Variants in ATAD1 observed in about 807,000 individuals in gnomAD.
ATAD1 encodes the protein ATPase family AAA domain containing 1.
In ATAD1, 18 loss-of-function variants were observed where a neutral mutation model predicts 42.7. The observed-to-expected ratio is 0.42, with a 90% CI of 0.29 to 0.63. The LOEUF (loss-of-function observed/expected upper bound fraction) is 0.63, where lower values mean the gene tolerates loss of function less well. Among genes scored for constraint, ATAD1 ranks in the 20% least tolerant of loss-of-function variants. ATAD1 has a pLI of 0.19. For synonymous variants in ATAD1, 132 were observed against 143.1 expected (o/e 0.92, Z 0.55); for missense variants, 294 against 440.4 (o/e 0.67, Z 2.98).
chr10:87,785,999 A>T (rs2131893928), intron 4 of ATAD1, among the ~76,000 whole-genome samples: 1 of 152,282 alleles, frequency 6.6e-6, no homozygotes, highest in East Asian at 1.9e-4. Context: ...GCAAATTTTA[A>T]TTAAGTTCAC....
chr10:87,821,997 G>T (rs1045856770), upstream of ATAD1, among the ~76,000 whole-genome samples: 4 of 152,182 alleles, frequency 2.6e-5, no homozygotes, highest in African/African-American at 9.7e-5. Flanking sequence ...AACCCAGCTG[G>T]AATACATCAA....
At chr10:87,816,094 A>G (rs187464080) in intron 1 of ATAD1, among the ~76,000 whole-genome samples, 2 of 152,144 alleles carry the variant, frequency 1.3e-5, no homozygotes, top group African/African-American at 4.8e-5. Flanking sequence ...ACACTATCTT[A>G]AAAAAGTCTT....
At chr10:87,817,155 T>G (rs1857454430) in intron 1 of ATAD1, among the ~76,000 whole-genome samples, 1 of 152,242 alleles carries the variant, frequency 6.6e-6, no homozygotes, top group Non-Finnish European at 1.5e-5. Flanking sequence ...GAAACTTGTT[T>G]TGTAGACTGT....
intron 1 of ATAD1, among the ~76,000 whole-genome samples, chr10:87,834,650 T>C (rs1241504298): frequency 1.3e-5 from 2 of 152,120 alleles, no homozygotes; most frequent in Non-Finnish European, 2.9e-5. Flanking sequence ...ATATGGTAAA[T>C]TGTGTCTTTT....
intron 4 of ATAD1, among the ~76,000 whole-genome samples, chr10:87,786,904 G>A (rs896491861): frequency 1.3e-5 from 2 of 151,896 alleles, no homozygotes; most frequent in Non-Finnish European, 2.9e-5. Context: ...GCAGTGAGCC[G>A]AGATTGCGCC....
At chr10:87,757,556 T>A (rs1192966426) in intron 8 of ATAD1, among the ~76,000 whole-genome samples, 1 of 150,752 alleles carries the variant, frequency 6.6e-6, no homozygotes, top group Non-Finnish European at 1.5e-5. Flanking sequence ...TTTGCATGTA[T>A]TATTCTCATT....
chr10:87,801,792 G>C (rs1856709895), intron 2 of ATAD1, among the ~76,000 whole-genome samples: 1 of 152,136 alleles, frequency 6.6e-6, no homozygotes, highest in African/African-American at 2.4e-5. Flanking sequence ...TTGAATGAAT[G>C]TTTCTGATTG....
intron 1 of ATAD1, among the ~76,000 whole-genome samples, chr10:87,816,657 T>C (rs1256571088): frequency 5.9e-5 from 9 of 152,266 alleles, no homozygotes; most frequent in Middle Eastern, 3.4e-3. Flanking sequence ...CTATCTTCCA[T>C]CAGCATGGAT....
intron 2 of ATAD1, among the ~76,000 whole-genome samples, chr10:87,794,987 T>G (rs1030730206): frequency 6.6e-6 from 1 of 152,202 alleles, no homozygotes; most frequent in Non-Finnish European, 1.5e-5. Context: ...ATGGTTTTAT[T>G]GAGCACCTAC....
At chr10:87,765,373 T>C (rs886742432) in intron 8 of ATAD1, among the ~76,000 whole-genome samples, 2 of 151,692 alleles carry the variant, frequency 1.3e-5, no homozygotes, top group Non-Finnish European at 2.9e-5. Context: ...TATGCAGTTA[T>C]CGAGTTTTGG....
At chr10:87,795,335 T>C (rs1208507630) in intron 2 of ATAD1, among the ~76,000 whole-genome samples, 3 of 152,104 alleles carry the variant, frequency 2.0e-5, no homozygotes. Flanking sequence ...TTGACACTTT[T>C]AAGTGAGCCA....
At chr10:87,763,463 T>C (rs959649218) in intron 8 of ATAD1, among the ~76,000 whole-genome samples, 3 of 152,172 alleles carry the variant, frequency 2.0e-5, no homozygotes, top group African/African-American at 7.2e-5. Context: ...GTTCAAAACC[T>C]GCCTGGATAA....
intron 4 of ATAD1, among the ~76,000 whole-genome samples, chr10:87,788,710 A>AT (rs1464970978): frequency 6.6e-6 from 1 of 152,224 alleles, no homozygotes; most frequent in African/African-American, 2.4e-5. Context: ...TATAAAAGGT[A>AT]TTTTACTTTC....
At chr10:87,765,163 G>A (rs544442711) in intron 8 of ATAD1, among the ~76,000 whole-genome samples, 1 of 152,228 alleles carries the variant, frequency 6.6e-6, no homozygotes, top group Non-Finnish European at 1.5e-5. Context: ...CATGGCTGGA[G>A]AAGAATTAGC....
chr10:87,760,949 G>A (rs1021735361), intron 8 of ATAD1, among the ~76,000 whole-genome samples: 6 of 151,660 alleles, frequency 4.0e-5, no homozygotes, highest in Non-Finnish European at 2.9e-5. Flanking sequence ...TAAAATAAGC[G>A]AATCATGTTA....
chr10:87,786,509 C>T lies in ATAD1; in HGVS notation c.383-1839G>A, dbSNP rs146676951. ...TTATTAACTGAGCAGTTATGAGTGTCTGGAGTGCCTAAAGATTCAATATGC... is the reference window on the plus strand; with the variant it reads ...TTATTAACTGAGCAGTTATGAGTGTTTGGAGTGCCTAAAGATTCAATATGC... On this transcript the variant is annotated intron_variant, in intron 4 of 9. Coordinates refer to ENST00000680024, the MANE Select transcript of ATAD1 (RefSeq NM_001321967.2). 5.3e-5 allele frequency among the ~76,000 whole-genome samples: 8 copies of T among 152,314 alleles called. No homozygotes were observed. The East Asian group carries it at 1.5e-3, about 29-fold the overall frequency.
At chr10:87,797,360 TTC>T (rs1856443273) in intron 2 of ATAD1, among the ~76,000 whole-genome samples, 1 of 152,310 alleles carries the variant, frequency 6.6e-6, no homozygotes, top group African/African-American at 2.4e-5. Flanking sequence ...TGCGCTTGGT[TTC>T]TGTGTTTGCT....
At chr10:87,800,368 T>G (rs961318885) in intron 2 of ATAD1, among the ~76,000 whole-genome samples, 2 of 152,126 alleles carry the variant, frequency 1.3e-5, no homozygotes, top group Admixed American at 6.5e-5. Flanking sequence ...TGTAACACTC[T>G]CTTTCAACTC....
upstream of ATAD1, among the ~76,000 whole-genome samples, chr10:87,821,196 T>G (rs1039515435): frequency 6.6e-6 from 1 of 152,144 alleles, no homozygotes; most frequent in African/African-American, 2.4e-5. Context: ...TCAAGGTTAA[T>G]GCACTAGACA....
Sources: gnomAD v4.1 joint callset for allele counts (sites outside exome capture counted in the v4.1 genomes callset) on GRCh38, gnomAD v4.1.1 for gene constraint, MANE v1.5 for transcripts, NCBI Gene and HGNC (gene_info 2026-07-23, HGNC 2026-07-21) for gene names.